Variants in SLC14A2 observed in about 807,000 individuals in gnomAD.
SLC14A2 encodes solute carrier family 14 member 2, also known as urea transporter 2.
SLC14A2 carries 91 observed loss-of-function variants against 104.6 expected under a neutral mutation model. That is an observed-to-expected ratio of 0.87 (90% confidence interval 0.73 to 1.04). SLC14A2 has a LOEUF of 1.04. Ranked by LOEUF, SLC14A2 falls within the 50% of genes least tolerant of loss-of-function variation. The pLI is 0.00. For synonymous variants in SLC14A2, 476 were observed against 466.4 expected (o/e 1.02, Z -0.27); for missense variants, 1,189 against 1,156.0 (o/e 1.03, Z -0.41).
At chr18:45,412,962 CG>C (rs1462700611) in intron 1 of SLC14A2, among the ~76,000 whole-genome samples, 1 of 152,146 alleles carries the variant, frequency 6.6e-6, no homozygotes, top group Non-Finnish European at 1.5e-5. Flanking sequence ...AGCAAAAGTG[CG>C]GGGACCAGAT....
chr18:45,556,465 T>G (rs531844506), intron 2 of SLC14A2, among the ~76,000 whole-genome samples: 46 of 152,304 alleles, frequency 3.0e-4, no homozygotes, highest in African/African-American at 1.1e-3. Flanking sequence ...ATGCCTTGTG[T>G]AGATACCTCC....
chr18:45,227,215 T>C (rs2084127949), intron 1 of SLC14A2, among the ~76,000 whole-genome samples: 1 of 152,110 alleles, frequency 6.6e-6, no homozygotes, highest in Non-Finnish European at 1.5e-5. Flanking sequence ...AATTTATCTC[T>C]CCACACCCTG....
chr18:45,477,065 G>T (rs2087395400), intron 1 of SLC14A2, among the ~76,000 whole-genome samples: 1 of 152,172 alleles, frequency 6.6e-6, no homozygotes, highest in Non-Finnish European at 1.5e-5. Flanking sequence ...AGGAGTTCTG[G>T]TTTTTGGAGT....
intron 1 of SLC14A2, among the ~76,000 whole-genome samples, chr18:45,337,901 C>T (rs1214841948): frequency 6.6e-6 from 1 of 152,170 alleles, no homozygotes; most frequent in Non-Finnish European, 1.5e-5. Context: ...TGCAGCCAGG[C>T]TTTTCCCAGA....
chr18:45,595,140 C>T lies in SLC14A2; in HGVS notation c.-34-29491C>T, dbSNP rs867833627. On this transcript the variant is annotated intron_variant, in intron 2 of 20. Coordinates refer to the SLC14A2 transcript ENST00000586448. The stretch of plus-strand genomic sequence containing the variant: ...TCCTTGCACAACTGCCTTTTAAAAC[C>T]GTTTTCTTGTATTATAAAAATAATA... 5.9e-5 allele frequency among the ~76,000 whole-genome samples: 9 copies of T among 152,086 alleles called. No homozygotes were observed. In the South Asian group the frequency reaches 1.7e-3, roughly 28 times the overall value.
At chr18:45,587,226 C>T (rs1300212128) in intron 2 of SLC14A2, among the ~76,000 whole-genome samples, 3 of 152,154 alleles carry the variant, frequency 2.0e-5, no homozygotes, top group Admixed American at 1.3e-4. Context: ...CCGCCTGCCT[C>T]GGCCTCCCAC....
the SLC14A2 span, among the ~76,000 whole-genome samples, chr18:45,207,919 T>C: frequency 6.6e-6 from 1 of 152,200 alleles, no homozygotes; most frequent in Non-Finnish European, 1.5e-5. Context: ...AGTAACCCTA[T>C]GAGTTTAAAT....
chr18:45,314,137 C>T (rs1275350470), intron 1 of SLC14A2, among the ~76,000 whole-genome samples: 4 of 152,248 alleles, frequency 2.6e-5, no homozygotes, highest in Admixed American at 2.6e-4. Flanking sequence ...TTCATGGCCA[C>T]AGAGGCCAAA....
intron 10 of SLC14A2, among the ~76,000 whole-genome samples, chr18:45,656,215 A>C (rs1290494578): frequency 2.0e-5 from 3 of 152,260 alleles, no homozygotes; most frequent in African/African-American, 7.2e-5. Flanking sequence ...GGAATCATCC[A>C]TATGGCCAAA....
intron 1 of SLC14A2, among the ~76,000 whole-genome samples, chr18:45,348,999 A>G (rs564544268): frequency 6.6e-5 from 10 of 152,304 alleles, no homozygotes; most frequent in Admixed American, 3.9e-4. Context: ...GGTCTCTTGT[A>G]TCGGTGATAA....
At chr18:45,487,699 G>A (rs1382132807) in intron 2 of SLC14A2, among the ~76,000 whole-genome samples, 2 of 152,160 alleles carry the variant, frequency 1.3e-5, no homozygotes, top group Non-Finnish European at 2.9e-5. Context: ...GCAGAGGGAG[G>A]AGCTGGACTT....
At chr18:45,608,981 A>G (rs2044922607) in intron 2 of SLC14A2, among the ~76,000 whole-genome samples, 1 of 152,172 alleles carries the variant, frequency 6.6e-6, no homozygotes, top group Non-Finnish European at 1.5e-5. Context: ...CCACAGGGCA[A>G]TGGAAAAGAA....
rs191705908 is a variant in SLC14A2 at position 45,350,975 on chromosome 18, G to A, written c.-124-132258G>A. On this transcript the variant is annotated intron_variant, in intron 1 of 20. Transcript: ENST00000586448. ...AAACCTAATGCATCCTCTGGGACTG[G>A]GGCAGAGGATACCAGAGAAATCTCA... 1.2e-4 allele frequency among the ~76,000 whole-genome samples: 19 copies of A among 152,132 alleles called. 1 individual carries two copies. The highest frequency in any genetic ancestry group is 8.5e-4 in the Admixed American group (13 of 15,280).
chr18:45,456,234 C>T (rs1271635068), intron 1 of SLC14A2, among the ~76,000 whole-genome samples: 1 of 152,108 alleles, frequency 6.6e-6, no homozygotes, highest in African/African-American at 2.4e-5. Context: ...CAGGGCTAGG[C>T]AGAGGAAGAG....
At chr18:45,678,588 T>C (rs2046263683) in intron 18 of SLC14A2, among the ~76,000 whole-genome samples, 1 of 152,226 alleles carries the variant, frequency 6.6e-6, no homozygotes, top group African/African-American at 2.4e-5. Context: ...TAGAAACCCA[T>C]ATTATGTTAA....
intron 1 of SLC14A2, among the ~76,000 whole-genome samples, chr18:45,391,637 A>G (rs1010099473): frequency 7.2e-5 from 11 of 152,124 alleles, no homozygotes; most frequent in African/African-American, 1.9e-4. Flanking sequence ...GTGAGATGGT[A>G]TCTCATTGTG....
At chr18:45,304,694 A>AAGACC (rs2085000379) in intron 1 of SLC14A2, among the ~76,000 whole-genome samples, 1 of 152,188 alleles carries the variant, frequency 6.6e-6, no homozygotes, top group African/African-American at 2.4e-5. Flanking sequence ...AAGACAAGAC[A>AAGACC]AGACTCTGAG....
intron 2 of SLC14A2, among the ~76,000 whole-genome samples, chr18:45,607,613 A>T (rs1237895021): frequency 6.6e-6 from 1 of 152,190 alleles, no homozygotes; most frequent in East Asian, 1.9e-4. Flanking sequence ...TCAAGGTGTG[A>T]CAAATTGCCC....
chr18:45,399,592 G>C (rs1568183234), intron 1 of SLC14A2, among the ~76,000 whole-genome samples: 1 of 152,126 alleles, frequency 6.6e-6, no homozygotes, highest in Non-Finnish European at 1.5e-5. Flanking sequence ...GGTAGTGGCT[G>C]ATTTTTTTCC....
Sources: gnomAD v4.1 joint callset for allele counts (sites outside exome capture counted in the v4.1 genomes callset) on GRCh38, gnomAD v4.1.1 for gene constraint, MANE v1.5 for transcripts, NCBI Gene and HGNC (gene_info 2026-07-23, HGNC 2026-07-21) for gene names.